The following DHX8 variants were observed in gnomAD, a reference collection of about 807,000 sequenced individuals.
DHX8 encodes DEAH-box helicase 8.
Under a neutral mutation model 140.7 loss-of-function variants are expected in DHX8, and 67 were observed. That is an observed-to-expected ratio of 0.48 (90% CI 0.39 to 0.58). DHX8 has a LOEUF of 0.58. Ranked by LOEUF, DHX8 falls within the 20% of genes least tolerant of loss-of-function variation. The probability of loss-of-function intolerance (pLI) is 0.00; values close to 1 mark genes in which losing one functional copy is unlikely to be tolerated. For synonymous variants in DHX8, 533 were observed against 553.2 expected, an observed-to-expected ratio of 0.96 and a Z score of 0.51; for missense variants, 887 against 1,550.7, an observed-to-expected ratio of 0.57 and a Z score of 7.19.
Position 43,522,067 on chromosome 17 carries a change from C to T in DHX8, c.3284C>T (p.Ser1095Phe). 1 of 1,613,990 alleles carries T rather than the reference C, an allele frequency of 6.2e-7. No homozygotes were observed. The highest frequency in any genetic ancestry group is 8.5e-7 in the Non-Finnish European group (1 of 1,179,948). ...GATAGACACAAGCTGGATGTTGTTT[C>T]CTGTGGCAAGTCCACAGTCCGAGTG... is the stretch of plus-strand genomic sequence containing the variant. ...IMDRHKLDVV[S>F]CGKSTVRVQK... Residue 1095 changes from serine (S) to phenylalanine (F), a missense_variant, in exon 22 of 23, where the codon TCC (serine) becomes TTC (phenylalanine). By Grantham distance (155) the Ser-to-Phe change is radical (BLOSUM62 -2). Coordinates refer to ENST00000262415, the MANE Select transcript of DHX8 (RefSeq NM_004941.3).
At chr17:43,512,962 G>A (rs996063710) in intron 16 of DHX8, among the ~76,000 whole-genome samples, 2 of 152,088 alleles carry the variant, frequency 1.3e-5, no homozygotes, top group East Asian at 3.9e-4. Context: ...TGTCTCGGTA[G>A]GGGAAAGAAA....
In DHX8 at chr17:43,520,255, C is replaced by T; in HGVS notation, c.2925C>T (p.Arg975=). The change falls in exon 19 of 23, where the codon CGC becomes CGT. Residue 975 remains arginine, a synonymous_variant. Coordinates refer to ENST00000262415, the MANE Select transcript of DHX8 (RefSeq NM_004941.3). ...GALDDEGLLT[R]LGRRMAEFPL... ...TGGATGACGAGGGCCTGCTCACTCG[C>T]TTGGGCCGCCGGGTAAGGGACAGAC... 6.2e-7 allele frequency: 1 copy of T among 1,614,050 alleles called. No homozygotes were observed. Among genetic ancestry groups the T allele is most frequent in the Non-Finnish European group, 8.5e-7 (1 of 1,179,970 alleles).
chr17:43,539,062 C>G (rs1971392977), intron 3 of DHX8, among the ~76,000 whole-genome samples: 1 of 152,228 alleles, frequency 6.6e-6, no homozygotes, highest in Admixed American at 6.5e-5. Flanking sequence ...ATTCTTACCT[C>G]CTATGGTCCC....
Position 43,499,961 on chromosome 17 carries a change from A to G in DHX8, c.1404A>G (p.Pro468=). The part of the protein sequence containing the change: ...DMSPIKIVKN[P]DGSLSQAAMM... ...TTTTTCTTCTGTTGCACCAGAACCC[A>G]GACGGCTCCCTCTCCCAAGCAGCAA... The change falls in exon 11 of 23, where the codon CCA becomes CCG. Residue 468 remains proline (P), a synonymous_variant. Coordinates refer to ENST00000262415, the MANE Select transcript of DHX8 (RefSeq NM_004941.3). 1 of 1,613,986 alleles carries G rather than the reference A, an allele frequency of 6.2e-7. No individual in the cohort carries two copies. Among genetic ancestry groups the G allele is most frequent in the Non-Finnish European group, 8.5e-7 (1 of 1,179,960 alleles).
At chr17:43,528,636 C>G, downstream of DHX8, 1 of 1,614,156 alleles carries the variant, frequency 6.2e-7, no homozygotes, top group Non-Finnish European at 8.5e-7. Flanking sequence ...CACTGACAGG[C>G]CGGTCAAACT....
Position 43,536,003 on chromosome 17 carries a change from C to G in DHX8, c.351-409C>G, listed in dbSNP as rs576496714. On this transcript the variant is annotated intron_variant, in intron 2 of 3. Coordinates refer to the DHX8 transcript ENST00000589898. ...GTGCATGCCTGTAATCCCAGCTACTCTGGAAGCTGAGGCAGGAGAATGGCT... is the reference window on the plus strand; with the variant it reads ...GTGCATGCCTGTAATCCCAGCTACTGTGGAAGCTGAGGCAGGAGAATGGCT... Among the ~76,000 whole-genome samples the G allele has an allele frequency of 4.1e-4, 62 of 152,294 alleles. 1 individual carries two copies. The South Asian group carries it at 0.012, about 30-fold the overall frequency.
intron 2 of DHX8, among the ~76,000 whole-genome samples, chr17:43,534,340 A>G (rs1971119191): frequency 6.6e-6 from 1 of 151,786 alleles, no homozygotes; most frequent in Admixed American, 6.6e-5. Flanking sequence ...AAATACAAAA[A>G]AAAATTAGCC....
chr17:43,505,133 G>A (rs983006652), intron 12 of DHX8, among the ~76,000 whole-genome samples: 2 of 152,078 alleles, frequency 1.3e-5, no homozygotes, highest in African/African-American at 4.8e-5. Context: ...AAATTTGGTG[G>A]GGCGTGGTGG....
At position 43,520,771 on chromosome 17, in the gene DHX8, G is replaced by A. The variant is rs139292038; in HGVS notation, c.2958G>A (p.Glu986=). Residue 986 remains glutamate (E), a synonymous_variant, in exon 20 of 23, where the codon GAG becomes GAA. Transcript: ENST00000262415. ...TCTAGATGGCAGAGTTCCCTCTGGA[G>A]CCAATGCTATGCAAAATGCTCATCA... The part of the protein sequence containing the change: ...LGRRMAEFPL[E]PMLCKMLIMS... The A allele has an allele frequency of 6.3e-4, 1,010 of 1,614,020 alleles. No homozygotes were observed. The highest frequency in any genetic ancestry group is 8.0e-4 in the Non-Finnish European group (939 of 1,179,998).
intron 2 of DHX8, among the ~76,000 whole-genome samples, chr17:43,533,616 A>T (rs1193325962): frequency 6.6e-6 from 1 of 151,882 alleles, no homozygotes; most frequent in East Asian, 1.9e-4. Flanking sequence ...TTTAGGTGGG[A>T]CAGTGGGCCT....
chr17:43,508,530 G>A lies in DHX8; in HGVS notation c.2502+10G>A. 6.3e-7 allele frequency: 1 copy of A among 1,597,322 alleles called. No homozygotes were observed. ...ACCAGGCAGCAGAAAGGTAACATGG[G>A]CAAAAATGAAGCTTCCATGTGCCCT... On this transcript the variant is annotated intron_variant, in intron 16 of 22. Transcript: ENST00000262415.
chr17:43,529,825 C>G (rs1373184451), downstream of DHX8: 14 of 1,604,428 alleles, frequency 8.7e-6, no homozygotes, highest in East Asian at 8.9e-5. Flanking sequence ...TGATGTGACT[C>G]CTGCAGGGAC....
At chr17:43,509,444 A>G (rs1969683287) in intron 16 of DHX8, among the ~76,000 whole-genome samples, 1 of 151,506 alleles carries the variant, frequency 6.6e-6, no homozygotes, top group Admixed American at 6.6e-5. Flanking sequence ...TTGAGATATA[A>G]TTTACATACC....
intron 2 of DHX8, chr17:43,532,524 T>C (rs992776162): frequency 4.1e-6 from 3 of 732,874 alleles, no homozygotes; most frequent in Non-Finnish European, 4.3e-6. Flanking sequence ...GAAAGAAAAA[T>C]AACATTCTTT....
chr17:43,510,283 G>A (rs1011342169), intron 16 of DHX8, among the ~76,000 whole-genome samples: 1 of 151,802 alleles, frequency 6.6e-6, no homozygotes, highest in Non-Finnish European at 1.5e-5. Flanking sequence ...CCTGACCTCA[G>A]ATGATCTGCC....
intron 8 of DHX8, 73 bp downstream of exon 8, chr17:43,493,959 G>A (rs1254030171): frequency 8.6e-6 from 13 of 1,506,766 alleles, no homozygotes; most frequent in Non-Finnish European, 1.2e-5. Context: ...GTGCCCTGGA[G>A]CACGATGGCC....
chr17:43,508,862 G>A (rs1037806587), intron 16 of DHX8, among the ~76,000 whole-genome samples: 17 of 152,016 alleles, frequency 1.1e-4, no homozygotes, highest in Admixed American at 7.9e-4. Context: ...CTCGTGATCC[G>A]CCCGCCTCAG....
chr17:43,532,994 TCG>T, intron 2 of DHX8: 1 of 1,525,012 alleles, frequency 6.6e-7, no homozygotes, highest in Non-Finnish European at 8.8e-7. Flanking sequence ...TAATCCTTCC[TCG>T]AGCCTGTTAC....
At position 43,517,147 on chromosome 17, in the gene DHX8, T is replaced by A. The variant is rs552615851; in HGVS notation, c.2644-20T>A. 256 of 1,602,002 alleles carry A rather than the reference T, an allele frequency of 1.6e-4. 5 individuals are homozygous for A. In the South Asian group the frequency reaches 2.6e-3, roughly 17 times the overall value. On this transcript the variant is annotated intron_variant, in intron 17 of 22. Transcript: ENST00000262415. ...GCAGTGTTTAACAGATATGTTGCTT[T>A]TATATGCCCACCCCTCTAGGCTCAG... is the stretch of plus-strand genomic sequence containing the variant.
Sources: gnomAD v4.1 joint callset for allele counts (sites outside exome capture counted in the v4.1 genomes callset) on GRCh38, gnomAD v4.1.1 for gene constraint, MANE v1.5 for transcripts, NCBI Gene and HGNC (gene_info 2026-07-23, HGNC 2026-07-21) for gene names.